Variants in GSE1 observed in about 807,000 individuals in gnomAD.
GSE1 encodes the protein genetic suppressor element 1.
GSE1 carries 32 observed loss-of-function variants against 112.6 expected under a neutral mutation model. The observed-to-expected ratio is 0.28, with a 90% CI of 0.21 to 0.38. GSE1 has a LOEUF of 0.38. GSE1 is among the 10% of genes least tolerant of loss of function. GSE1 has a pLI of 1.00. For synonymous variants in GSE1, 1,115 were observed against 735.6 expected (o/e 1.52, Z -8.35); for missense variants, 2,348 against 1,699.2 (o/e 1.38, Z -6.71).
intron 1 of GSE1, among the ~76,000 whole-genome samples, chr16:85,180,155 C>A (rs565379864): frequency 2.0e-5 from 3 of 152,220 alleles, no homozygotes; most frequent in African/African-American, 7.2e-5. Context: ...GCCTGTCTGG[C>A]GTGGAGCCCT....
At chr16:85,280,401 T>TTA (rs2044822553) in intron 1 of GSE1, among the ~76,000 whole-genome samples, 3 of 152,108 alleles carry the variant, frequency 2.0e-5, no homozygotes, top group South Asian at 4.1e-4. Context: ...ATTTATTTAT[T>TTA]TATTTATTTA....
At chr16:85,393,446 G>A (rs188108072) in intron 2 of GSE1, among the ~76,000 whole-genome samples, 38 of 151,912 alleles carry the variant, frequency 2.5e-4, no homozygotes, top group Non-Finnish European at 4.3e-4. Context: ...AATGTCTGAT[G>A]TCGTTACAGC....
intron 1 of GSE1, among the ~76,000 whole-genome samples, chr16:85,573,246 T>C (rs557619633): frequency 2.6e-5 from 4 of 152,290 alleles, no homozygotes; most frequent in African/African-American, 9.6e-5. Flanking sequence ...CCATGTTCAC[T>C]TTCTGAGTAG....
rs150760898 is a variant in GSE1 at position 85,213,742 on chromosome 16, G to C, written c.2283+41935G>C. 9.1e-3 allele frequency among the ~76,000 whole-genome samples: 1,390 copies of C among 152,336 alleles called. 26 individuals are homozygous for C. Among genetic ancestry groups the C allele is most frequent in the African/African-American group, 0.032 (1,316 of 41,566 alleles). ...GCCCTTGCAGGGACCACATGACCTT[G>C]AACTGAGCTCAGGCTCTGAGCCGAT... On this transcript the variant is annotated intron_variant, in intron 1 of 2. Transcript: ENST00000637419.
intron 2 of GSE1, among the ~76,000 whole-genome samples, chr16:85,510,904 C>T (rs367753820): frequency 2.6e-5 from 4 of 152,354 alleles, no homozygotes; most frequent in African/African-American, 9.6e-5. Context: ...CCCGGCTCCT[C>T]CTTTATCCAA....
At chr16:85,664,075 T>C (rs2052644652) in intron 11 of GSE1, among the ~76,000 whole-genome samples, 1 of 152,266 alleles carries the variant, frequency 6.6e-6, no homozygotes, top group Non-Finnish European at 1.5e-5. Flanking sequence ...ATGGCTTGCC[T>C]TGAAAGATGC....
intron 1 of GSE1, among the ~76,000 whole-genome samples, chr16:85,234,286 A>T (rs954330824): frequency 1.3e-5 from 2 of 151,930 alleles, no homozygotes; most frequent in Non-Finnish European, 2.9e-5. Flanking sequence ...TCATTTTGAA[A>T]CCAGAGTCTC....
intron 1 of GSE1, among the ~76,000 whole-genome samples, chr16:85,217,023 C>G (rs2075316056): frequency 6.6e-6 from 1 of 152,144 alleles, no homozygotes; most frequent in Non-Finnish European, 1.5e-5. Context: ...GACACAGGGC[C>G]GTAGAGGCGA....
intron 1 of GSE1, among the ~76,000 whole-genome samples, chr16:85,603,933 C>A (rs2047572914): frequency 1.3e-5 from 2 of 152,192 alleles, no homozygotes; most frequent in Admixed American, 6.5e-5. Flanking sequence ...TGGTCCAAAT[C>A]ATTTTCTTTT....
intron 1 of GSE1, among the ~76,000 whole-genome samples, chr16:85,252,068 A>G (rs1906544325): frequency 6.6e-6 from 1 of 152,184 alleles, no homozygotes; most frequent in South Asian, 2.1e-4. Flanking sequence ...GTTGAACCCC[A>G]GAGTCTGACT....
chr16:85,658,498 G>A (rs983149785), intron 8 of GSE1, among the ~76,000 whole-genome samples: 3 of 152,178 alleles, frequency 2.0e-5, no homozygotes, highest in African/African-American at 4.8e-5. Context: ...GCTCTGGGAC[G>A]GAAGCGTGTT....
chr16:85,618,093 C>G (rs1193680214), intron 1 of GSE1, among the ~76,000 whole-genome samples: 2 of 152,134 alleles, frequency 1.3e-5, no homozygotes, highest in Admixed American at 1.3e-4. Context: ...TCGTGTTCAC[C>G]TGCATCTCTA....
At chr16:85,393,634 C>T (rs898243616) in intron 2 of GSE1, among the ~76,000 whole-genome samples, 2 of 152,248 alleles carry the variant, frequency 1.3e-5, no homozygotes, top group African/African-American at 2.4e-5. Flanking sequence ...GACAGGTCTG[C>T]AACCTTCTGG....
chr16:85,495,117 T>C (rs1267417092), intron 2 of GSE1, among the ~76,000 whole-genome samples: 1 of 152,208 alleles, frequency 6.6e-6, no homozygotes, highest in Non-Finnish European at 1.5e-5. Context: ...GTGGTTATTC[T>C]AGTGTTCTTT....
At chr16:85,309,013 C>T (rs2045756551) in intron 1 of GSE1, among the ~76,000 whole-genome samples, 1 of 151,172 alleles carries the variant, frequency 6.6e-6, no homozygotes. Flanking sequence ...CAAAATTGGC[C>T]TGGGAATTGG....
At chr16:85,643,239 A>C (rs1327754804) in intron 2 of GSE1, among the ~76,000 whole-genome samples, 1 of 151,942 alleles carries the variant, frequency 6.6e-6, no homozygotes, top group Non-Finnish European at 1.5e-5. Flanking sequence ...CATTGACTTA[A>C]CTCCTGGCTG....
At chr16:85,613,569 A>G (rs896978758) in intron 1 of GSE1, among the ~76,000 whole-genome samples, 171 bp downstream of exon 1, 1 of 149,974 alleles carries the variant, frequency 6.7e-6, no homozygotes, top group South Asian at 2.1e-4. Context: ...ACCAAAGGCC[A>G]CCCCCTTCCT....
At chr16:85,618,662 T>A (rs1598404317) in intron 1 of GSE1, among the ~76,000 whole-genome samples, 1 of 152,364 alleles carries the variant, frequency 6.6e-6, no homozygotes, top group South Asian at 2.1e-4. Context: ...CTCCTGTTGC[T>A]GTTGTTTTAA....
chr16:85,510,065 G>A (rs1026367364), intron 2 of GSE1, among the ~76,000 whole-genome samples: 1 of 152,180 alleles, frequency 6.6e-6, no homozygotes, highest in African/African-American at 2.4e-5. Flanking sequence ...GAGCAGGTGG[G>A]GCCCCGGGGG....
Sources: allele counts gnomAD v4.1 joint callset (sites outside exome capture counted in the v4.1 genomes callset), GRCh38; gene constraint gnomAD v4.1.1; transcripts MANE v1.5; gene names NCBI Gene and HGNC (gene_info 2026-07-23, HGNC 2026-07-21).